Variants in CLEC7A observed in about 807,000 individuals in gnomAD.
CLEC7A encodes C-type lectin domain family 7 member A.
Under a neutral mutation model 26.9 loss-of-function variants are expected in CLEC7A, and 25 were observed. The observed-to-expected ratio is 0.93, with a 90% CI of 0.68 to 1.30. The LOEUF (loss-of-function observed/expected upper bound fraction) is 1.30. CLEC7A is among the 50% of genes most tolerant of loss of function. The pLI is 0.00. For missense variants in CLEC7A, 275 were observed against 286.7 expected (o/e 0.96, Z 0.29); for synonymous variants, 100 against 99.5 (o/e 1.01, Z -0.03).
At chr12:10,123,961 T>C (rs1565405066) in intron 4 of CLEC7A, among the ~76,000 whole-genome samples, 4 of 152,228 alleles carry the variant, frequency 2.6e-5, no homozygotes, top group Admixed American at 1.3e-4. Context: ...AAATCCCAGA[T>C]GACAGTCCCC....
chr12:10,118,727 T>C (rs556224810), intron 5 of CLEC7A, 137 bp from the exon 6 acceptor site: 1 of 693,852 alleles, frequency 1.4e-6, no homozygotes, highest in African/African-American at 1.9e-5. Flanking sequence ...GAGGCTTAAA[T>C]CTAAATTGTT....
At chr12:10,119,304 A>G (rs1315855593) in intron 5 of CLEC7A, among the ~76,000 whole-genome samples, 1 of 152,174 alleles carries the variant, frequency 6.6e-6, no homozygotes, top group African/African-American at 2.4e-5. Context: ...TGAGGTTGGA[A>G]GATTGAGAAA....
At chr12:10,125,197 AAAG>A (rs766274042) in intron 4 of CLEC7A, 97 bp downstream of exon 4, 23 of 1,177,144 alleles carry the variant, frequency 2.0e-5, no homozygotes, top group Admixed American at 8.4e-5. Context: ...AAAAAAAAAA[AAAG>A]ACTTCATTTT....
chr12:10,118,388 C>G lies in CLEC7A; in HGVS notation c.*70G>C. ...GCATTTATCTTGACCTCAGCTGTTA[C>G]TCTTTTCTGTTCTGTTTTCTGTCCT... On this transcript the variant is annotated 3_prime_UTR_variant, in exon 6 of 6. Coordinates refer to ENST00000304084, the MANE Select transcript of CLEC7A (RefSeq NM_197947.3). 4 of 1,429,434 alleles carry G rather than the reference C, an allele frequency of 2.8e-6. No homozygotes were observed. Among genetic ancestry groups the G allele is most frequent in the South Asian group, 1.2e-5 (1 of 83,804 alleles). 88.5% of individuals were successfully genotyped at this position (1,429,434 alleles called of 1,614,324 possible).
intron 2 of CLEC7A, 76 bp downstream of exon 2, chr12:10,127,671 C>G: frequency 9.4e-7 from 1 of 1,068,356 alleles, no homozygotes; most frequent in Non-Finnish European, 1.4e-6. Context: ...GCATGTCAAG[C>G]CCTTAAAAGA....
rs151164069 is a variant in CLEC7A, at chr12:10,118,463, T to A, written c.739A>T (p.Met247Leu). The A allele has an allele frequency of 1.5e-4, 249 of 1,609,242 alleles. No homozygotes were observed. The African/African-American group carries it at 2.7e-3, about 17-fold the overall frequency. The change falls in exon 6 of 6, where the codon ATG (methionine) becomes TTG (leucine). Residue 247 changes from methionine to leucine, a missense_variant. By Grantham distance (15) the Met-to-Leu change is conservative (BLOSUM62 2). Transcript: ENST00000304084. ...SYSICEKKFS[M>L] is the part of the protein sequence containing the mutation. ...CTCCTTCTCCACCCTTCCTCTTACA[T>A]TGAAAACTTCTTCTCACAAATACTA...
Position 10,117,146 on chromosome 12 carries a change from A to C in CLEC7A, c.*1312T>G, listed in dbSNP as rs1947936598. On this transcript the variant is annotated 3_prime_UTR_variant, in exon 6 of 6. Coordinates refer to ENST00000304084, the MANE Select transcript of CLEC7A (RefSeq NM_197947.3). ...TGAGGTTGGTTACTTTTTTATATTC[A>C]TCATCAGATTTTATGTATTTTTATG... The C allele has an allele frequency of 6.6e-6, 1 of 152,198 alleles. No homozygotes were observed. Among genetic ancestry groups the C allele is most frequent in the Non-Finnish European group, 1.5e-5 (1 of 68,040 alleles). 9.4% of individuals were successfully genotyped at this position (152,198 alleles called of 1,614,324 possible).
At chr12:10,120,125 A>G (rs1426278821) in intron 5 of CLEC7A, among the ~76,000 whole-genome samples, 4 of 152,216 alleles carry the variant, frequency 2.6e-5, no homozygotes, top group African/African-American at 9.6e-5. Flanking sequence ...GTGAAAGGTT[A>G]TTACATAGAT....
chr12:10,125,132 C>T (rs1211724998), intron 4 of CLEC7A, 165 bp downstream of exon 4: 5 of 711,186 alleles, frequency 7.0e-6, no homozygotes, highest in South Asian at 1.5e-5. Context: ...CCTGGGATGT[C>T]GCGGCTTCAC....
At position 10,117,572 on chromosome 12, in the gene CLEC7A, A is replaced by G. The variant is rs910915535; in HGVS notation, c.*886T>C. The G allele has an allele frequency of 6.6e-6, 1 of 151,432 alleles. No individual in the cohort carries two copies. The highest frequency in any genetic ancestry group is 1.5e-5 in the Non-Finnish European group (1 of 67,878). 9.4% of individuals were successfully genotyped at this position (151,432 alleles called of 1,614,324 possible). A position where few individuals can be genotyped will look rare whatever the true frequency, so the allele number is the denominator to read the frequency against. ...AAAAAGATTCTATTAGAGATATGGC[A>G]GATGTACTCTCTGAGCTATTTAATT... On this transcript the variant is annotated 3_prime_UTR_variant, in exon 6 of 6. Transcript: ENST00000304084.
intron 5 of CLEC7A, among the ~76,000 whole-genome samples, 199 bp from the exon 6 acceptor site, chr12:10,118,789 G>A (rs759467033): frequency 1.3e-5 from 2 of 151,684 alleles, no homozygotes; most frequent in Admixed American, 6.6e-5. Context: ...GCAGAAAAAC[G>A]ACTTAATTTT....
chr12:10,127,891 C>A (rs563778232), intron 1 of CLEC7A, 46 bp from the exon 2 acceptor site: 1 of 1,297,026 alleles, frequency 7.7e-7, no homozygotes, highest in Admixed American at 2.4e-5. Context: ...AAGAGAATGA[C>A]GGATGGTGGG....
chr12:10,120,594 CTT>C (rs747550159), intron 5 of CLEC7A, among the ~76,000 whole-genome samples: 11 of 141,184 alleles, frequency 7.8e-5, no homozygotes, highest in Admixed American at 1.4e-4. Flanking sequence ...ATTTTTATAT[CTT>C]TTTTTTTTTT....
intron 2 of CLEC7A, 160 bp from the exon 3 acceptor site, chr12:10,126,868 T>C (rs1158766770): frequency 9.4e-6 from 6 of 640,590 alleles, no homozygotes; most frequent in Non-Finnish European, 1.5e-5. Context: ...AGACGATTGA[T>C]AGAATAGATG....
rs1948442609 is a variant in CLEC7A at position 10,130,104 on chromosome 12, A to G, written c.-22T>C. ...CCATTGTTCTTGAGAGCCCCTGAAT[A>G]GATATAGCATTTGGGAGCTCTTTTC... On this transcript the variant is annotated 5_prime_UTR_variant, in exon 1 of 6. Coordinates refer to ENST00000304084, the MANE Select transcript of CLEC7A (RefSeq NM_197947.3). The G allele has an allele frequency of 1.7e-6, 2 of 1,196,340 alleles. No individual in the cohort carries two copies. Among genetic ancestry groups the G allele is most frequent in the African/African-American group, 3.0e-5 (2 of 66,464 alleles). The allele number at this position is 1,196,340 out of a possible 1,614,324, so 74.1% of individuals were successfully genotyped here. A position where few individuals can be genotyped will look rare whatever the true frequency, so the allele number is the denominator to read the frequency against.
chr12:10,123,273 C>G lies in CLEC7A; in HGVS notation c.583G>C (p.Glu195Gln), dbSNP rs2137429570. The change falls in exon 5 of 6, where the codon GAG (glutamate) becomes CAG (glutamine). Residue 195 changes from glutamate (E) to glutamine (Q), a missense_variant. By Grantham distance (29) the Glu-to-Gln change is conservative. Coordinates refer to ENST00000304084, the MANE Select transcript of CLEC7A (RefSeq NM_197947.3). ...TTAGAAGAGAATGTTGATCCATCCTCCCAGAGCCATGGTACCTCAGTCTGG... is the reference window on the plus strand; with the variant it reads ...TTAGAAGAGAATGTTGATCCATCCTGCCAGAGCCATGGTACCTCAGTCTGG... ...RPQTEVPWLW[E>Q]DGSTFSSNLF... The G allele has an allele frequency of 1.9e-6, 3 of 1,611,358 alleles. No individual in the cohort carries two copies. The highest frequency in any genetic ancestry group is 2.5e-6 in the Non-Finnish European group (3 of 1,177,486).
At chr12:10,119,966 G>A (rs1948027288) in intron 5 of CLEC7A, among the ~76,000 whole-genome samples, 1 of 152,072 alleles carries the variant, frequency 6.6e-6, no homozygotes, top group African/African-American at 2.4e-5. Context: ...AGAAAAAGTA[G>A]AAGTATACGT....
chr12:10,118,232 C>A lies in CLEC7A; in HGVS notation c.*226G>T, dbSNP rs900456886. 4.2e-6 allele frequency: 2 copies of A among 477,118 alleles called. No individual in the cohort carries two copies. The highest frequency in any genetic ancestry group is 7.3e-6 in the Non-Finnish European group (2 of 273,706). 29.6% of individuals were successfully genotyped at this position (477,118 alleles called of 1,614,324 possible). ...AACTCAAGCTTGGCTGCCCTGATTC[C>A]ATGTCTAGGGATCTACTAACTAGAA... On this transcript the variant is annotated 3_prime_UTR_variant, in exon 6 of 6. Transcript: ENST00000304084.
intron 4 of CLEC7A, among the ~76,000 whole-genome samples, chr12:10,123,782 GAATGCA>G (rs1948184400): frequency 7.7e-6 from 1 of 129,592 alleles, no homozygotes; most frequent in African/African-American, 3.4e-5. Flanking sequence ...AAAAAAAAAA[GAATGCA>G]TGCCTAACCT....
Sources: allele counts gnomAD v4.1 joint callset (sites outside exome capture counted in the v4.1 genomes callset), GRCh38; gene constraint gnomAD v4.1.1; transcripts MANE v1.5; gene names NCBI Gene and HGNC (gene_info 2026-07-23, HGNC 2026-07-21).